Variants in IKZF2 observed in about 807,000 individuals in gnomAD.
The protein encoded by IKZF2 is zinc finger protein Helios.
Under a neutral mutation model 49.2 loss-of-function variants are expected in IKZF2, and 15 were observed. The ratio of observed to expected loss-of-function variants is 0.30; its 90% confidence interval spans 0.20 to 0.47. The LOEUF (loss-of-function observed/expected upper bound fraction) is 0.47. IKZF2 is among the 20% of genes least tolerant of loss of function. The pLI is 1.00. For missense variants in IKZF2, 567 were observed against 664.6 expected, an observed-to-expected ratio of 0.85 and a Z score of 1.61; for synonymous variants, 227 against 221.4, an observed-to-expected ratio of 1.03 and a Z score of -0.23.
At chr2:213,013,004 G>A (rs1696141921) in intron 8 of IKZF2, among the ~76,000 whole-genome samples, 1 of 151,832 alleles carries the variant, frequency 6.6e-6, no homozygotes, top group Non-Finnish European at 1.5e-5. Flanking sequence ...ATGACTTACA[G>A]CATGCATCCA....
In IKZF2 at chr2:213,118,741, C is replaced by T. The variant is rs557079819; in HGVS notation, c.139+28967G>A. Among the ~76,000 whole-genome samples the T allele has an allele frequency of 1.8e-4, 27 of 152,244 alleles. 1 individual carries two copies. In the South Asian group the frequency reaches 5.4e-3, roughly 30 times the overall value. ...TATTTTGTGCTTGTGAAAAAAGAGT[C>T]TCTACTCAGGTCTGGTACTACCTTT... On this transcript the variant is annotated intron_variant, in intron 4 of 8. Transcript: ENST00000434687.
intron 4 of IKZF2, among the ~76,000 whole-genome samples, chr2:213,140,780 T>A (rs2060836500): frequency 1.3e-5 from 2 of 151,952 alleles, no homozygotes; most frequent in Admixed American, 1.3e-4. Context: ...CAATATAGAA[T>A]TTTGATTTAA....
At chr2:213,010,628 C>T (rs1695842478) in intron 8 of IKZF2, among the ~76,000 whole-genome samples, 1 of 152,024 alleles carries the variant, frequency 6.6e-6, no homozygotes, top group African/African-American at 2.4e-5. Context: ...TCTTTATGTG[C>T]AATGTAAAAA....
At chr2:213,135,069 G>C (rs1259079185) in intron 4 of IKZF2, among the ~76,000 whole-genome samples, 1 of 152,042 alleles carries the variant, frequency 6.6e-6, no homozygotes, top group Non-Finnish European at 1.5e-5. Flanking sequence ...GAATTGTCTT[G>C]CTAAAAATAG....
At chr2:213,114,630 C>G (rs1169350566) in intron 4 of IKZF2, among the ~76,000 whole-genome samples, 1 of 151,990 alleles carries the variant, frequency 6.6e-6, no homozygotes, top group Non-Finnish European at 1.5e-5. Context: ...AATGCAAAAA[C>G]CTCTTAAGAA....
intron 4 of IKZF2, among the ~76,000 whole-genome samples, chr2:213,074,317 T>C (rs1466852632): frequency 6.6e-6 from 1 of 152,206 alleles, no homozygotes; most frequent in Non-Finnish European, 1.5e-5. Context: ...GCCTACTTCA[T>C]ACCTAGGCCG....
At chr2:213,015,694 A>G (rs1452580197) in intron 7 of IKZF2, among the ~76,000 whole-genome samples, 2 of 151,988 alleles carry the variant, frequency 1.3e-5, no homozygotes, top group Admixed American at 6.6e-5. Context: ...ATTAGAAATA[A>G]CAATAAAACT....
chr2:213,127,229 A>G (rs1294244244), intron 4 of IKZF2, among the ~76,000 whole-genome samples: 1 of 152,224 alleles, frequency 6.6e-6, no homozygotes, highest in Non-Finnish European at 1.5e-5. Context: ...TACACTTATC[A>G]AAGACCTTTC....
At chr2:213,064,083 G>A (rs781651015) in intron 4 of IKZF2, among the ~76,000 whole-genome samples, 5 of 151,876 alleles carry the variant, frequency 3.3e-5, no homozygotes, top group Non-Finnish European at 7.4e-5. Context: ...AGTACACCTA[G>A]TTGCTGAAGA....
intron 6 of IKZF2, among the ~76,000 whole-genome samples, chr2:213,024,463 A>G (rs1697584179): frequency 6.6e-6 from 1 of 152,122 alleles, no homozygotes; most frequent in East Asian, 1.9e-4. Flanking sequence ...TACACAAGCA[A>G]TGTATTACAA....
intron 6 of IKZF2, among the ~76,000 whole-genome samples, chr2:213,029,941 C>T (rs1363971495): frequency 2.6e-5 from 4 of 151,926 alleles, no homozygotes; most frequent in South Asian, 2.1e-4. Context: ...ATTAGTGAAA[C>T]GAAATATTAA....
intron 6 of IKZF2, among the ~76,000 whole-genome samples, chr2:213,025,834 C>G (rs962972981): frequency 2.8e-4 from 42 of 152,100 alleles, no homozygotes; most frequent in African/African-American, 9.7e-4. Flanking sequence ...CTTCTGTTAC[C>G]TTCTACCTCT....
intron 4 of IKZF2, among the ~76,000 whole-genome samples, chr2:213,106,567 C>G (rs577024198): frequency 6.7e-6 from 1 of 148,854 alleles, no homozygotes; most frequent in Non-Finnish European, 1.5e-5. Context: ...CCCAGGAGTT[C>G]GAGGCTGCCA....
intron 4 of IKZF2, among the ~76,000 whole-genome samples, chr2:213,060,628 C>T (rs1301099573): frequency 6.6e-6 from 1 of 151,224 alleles, no homozygotes; most frequent in Non-Finnish European, 1.5e-5. Context: ...AAAACTTGGG[C>T]ATATCTGTGG....
chr2:213,128,798 T>C lies in IKZF2; in HGVS notation c.139+18910A>G, dbSNP rs201417316. ...GCAGGCCACCACACCACACTAATTT[T>C]TTTTTCTTTTTTTTTTTTTTTTTTT... On this transcript the variant is annotated intron_variant, in intron 4 of 8. Coordinates refer to ENST00000434687, the MANE Select transcript of IKZF2 (RefSeq NM_001387220.1). Among the ~76,000 whole-genome samples the C allele has an allele frequency of 1.4e-4, 17 of 120,082 alleles. No individual in the cohort carries two copies. The East Asian group carries it at 6.6e-3, about 47-fold the overall frequency. The allele number at this position is 120,082 out of a possible 152,430, so 78.8% of individuals were successfully genotyped here.
At chr2:213,107,219 T>C (rs577521001) in intron 4 of IKZF2, among the ~76,000 whole-genome samples, 2 of 152,208 alleles carry the variant, frequency 1.3e-5, no homozygotes, top group South Asian at 4.1e-4. Flanking sequence ...AAAATAATAG[T>C]CCTCAGAAGA....
At chr2:213,127,919 T>C (rs970585052) in intron 4 of IKZF2, among the ~76,000 whole-genome samples, 3 of 152,180 alleles carry the variant, frequency 2.0e-5, no homozygotes, top group African/African-American at 7.2e-5. Flanking sequence ...CCTAAGAGGC[T>C]ATTAAATTAC....
At chr2:213,023,277 T>C (rs900633849) in intron 6 of IKZF2, among the ~76,000 whole-genome samples, 3 of 152,170 alleles carry the variant, frequency 2.0e-5, no homozygotes, top group Admixed American at 6.6e-5. Flanking sequence ...TGAAATACTA[T>C]AACAAGGCAA....
chr2:213,046,477 C>T (rs1700164442), intron 6 of IKZF2, among the ~76,000 whole-genome samples: 1 of 152,102 alleles, frequency 6.6e-6, no homozygotes, highest in Non-Finnish European at 1.5e-5. Context: ...GAATTCAATA[C>T]CAGCTATGAC....
Sources: allele counts gnomAD v4.1 joint callset (sites outside exome capture counted in the v4.1 genomes callset), GRCh38; gene constraint gnomAD v4.1.1; transcripts MANE v1.5; gene names NCBI Gene and HGNC (gene_info 2026-07-23, HGNC 2026-07-21).